POLR2B: variants seen among roughly 807,000 people sequenced by gnomAD.
POLR2B encodes the protein DNA-directed RNA polymerase II subunit RPB2.
A neutral mutation model predicts 144.6 loss-of-function variants in POLR2B; 57 were observed. That is an observed-to-expected ratio of 0.39 (90% CI 0.32 to 0.49). The LOEUF (loss-of-function observed/expected upper bound fraction) is 0.49, where lower values mean the gene tolerates loss of function less well. Ranked by LOEUF, POLR2B falls within the 20% of genes least tolerant of loss-of-function variation. POLR2B has a pLI of 0.83. For synonymous variants in POLR2B, 442 were observed against 469.8 expected (o/e 0.94, Z 0.77); for missense variants, 595 against 1,467.4 (o/e 0.41, Z 9.71).
intron 2 of POLR2B, 69 bp downstream of exon 2, chr4:56,986,495 A>G: frequency 1.1e-6 from 1 of 875,060 alleles, no homozygotes; most frequent in Non-Finnish European, 2.0e-6. Context: ...TTCTTGATAA[A>G]TAGCTCTTCT....
At chr4:57,014,488 C>T (rs923252240) in intron 13 of POLR2B, among the ~76,000 whole-genome samples, 1 of 149,370 alleles carries the variant, frequency 6.7e-6, no homozygotes, top group East Asian at 2.0e-4. Flanking sequence ...AGCCACCGTG[C>T]CTGGTCTTTT....
At chr4:56,990,958 C>G in intron 3 of POLR2B, 60 bp downstream of exon 3, 1 of 1,414,368 alleles carries the variant, frequency 7.1e-7, no homozygotes, top group Non-Finnish European at 9.6e-7. Context: ...AATTTTAGCC[C>G]TTCTCTTACC....
chr4:56,979,636 T>C (rs1030014961), intron 1 of POLR2B, among the ~76,000 whole-genome samples: 2 of 152,174 alleles, frequency 1.3e-5, no homozygotes, highest in African/African-American at 4.8e-5. Flanking sequence ...GAATTCTTAG[T>C]AGTGGCCGAG....
intron 2 of POLR2B, among the ~76,000 whole-genome samples, chr4:56,990,260 C>T (rs1722473504): frequency 1.3e-5 from 2 of 151,840 alleles, no homozygotes; most frequent in African/African-American, 4.8e-5. Flanking sequence ...TAGGGTTTCG[C>T]TGTCTCCTAG....
chr4:57,010,315 A>T (rs1446464234), intron 10 of POLR2B, 46 bp from the exon 11 acceptor site: 2 of 1,576,966 alleles, frequency 1.3e-6, no homozygotes. Context: ...TAATAGTATG[A>T]ATCACAGAAA....
At chr4:57,014,386 G>T (rs1046218501) in intron 13 of POLR2B, among the ~76,000 whole-genome samples, 1 of 151,798 alleles carries the variant, frequency 6.6e-6, no homozygotes, top group Admixed American at 6.6e-5. Context: ...TAGAGACAGG[G>T]TTTCACCATG....
chr4:57,010,840 A>G lies in POLR2B; in HGVS notation c.1641A>G (p.Glu547=). 2 of 1,610,198 alleles carry G rather than the reference A, an allele frequency of 1.2e-6. No individual in the cohort carries two copies. The highest frequency in any genetic ancestry group is 2.7e-5 in the African/African-American group (2 of 74,960). ...CTCCAATTCTGGAATTTTTAGAAGA[A>G]TGGAGTATGGAAAATTTAGAAGAAA... The part of the protein sequence containing the change: ...QPSPILEFLE[E]WSMENLEEIS... Residue 547 remains glutamate (E), a synonymous_variant, in exon 12 of 25, where the codon GAA becomes GAG. Transcript: ENST00000314595.
At chr4:56,986,634 C>T (rs1441038341) in intron 2 of POLR2B, 1 of 385,202 alleles carries the variant, frequency 2.6e-6, no homozygotes, top group Non-Finnish European at 4.6e-6. Context: ...TTACCCTGTA[C>T]TACATTTCTT....
chr4:56,988,218 A>G (rs1722390962), intron 2 of POLR2B, among the ~76,000 whole-genome samples: 1 of 152,100 alleles, frequency 6.6e-6, no homozygotes, highest in South Asian at 2.1e-4. Context: ...CAAAGGTAGC[A>G]AGAAGCCCCT....
At chr4:57,015,721 A>G (rs1481900783) in intron 14 of POLR2B, 65 bp downstream of exon 14, 1 of 661,250 alleles carries the variant, frequency 1.5e-6, no homozygotes, top group East Asian at 3.2e-5. Flanking sequence ...ATACTGTAAA[A>G]TTAACCTTTT....
chr4:56,995,339 G>GATGAT lies in POLR2B; in HGVS notation c.667_668insGATAT (p.Ser223Ter), dbSNP rs1356916053. The GATGAT allele has an allele frequency of 3.1e-6, 5 of 1,613,110 alleles. No individual in the cohort carries two copies. Among genetic ancestry groups the GATGAT allele is most frequent in the Non-Finnish European group, 4.2e-6 (5 of 1,179,144 alleles). ...AAATATGCCTACACAGGAGAGTGTA[G>GATGAT]ATCATGTCTTGAGAATTCTTCCCGA... On this transcript the variant is annotated stop_gained and frameshift_variant, in exon 6 of 25. Coordinates refer to ENST00000314595, the MANE Select transcript of POLR2B (RefSeq NM_000938.3). LOFTEE classifies it high-confidence loss of function.
chr4:57,021,114 T>C (rs974781123), intron 17 of POLR2B, 119 bp downstream of exon 17: 5 of 675,094 alleles, frequency 7.4e-6, no homozygotes, highest in African/African-American at 1.8e-5. Context: ...GAAGGACTGG[T>C]TGATGGTCAC....
At chr4:57,021,085 C>A in intron 17 of POLR2B, 90 bp downstream of exon 17, 1 of 754,622 alleles carries the variant, frequency 1.3e-6, no homozygotes, top group Non-Finnish European at 2.4e-6. Flanking sequence ...AGTTTAACTA[C>A]GCCGCACTCC....
At chr4:56,979,431 C>T (rs954282248) in intron 1 of POLR2B, among the ~76,000 whole-genome samples, 1 of 113,662 alleles carries the variant, frequency 8.8e-6, no homozygotes, top group Non-Finnish European at 1.6e-5. Flanking sequence ...TATTCCGGGA[C>T]AGAGAATATC....
At chr4:56,999,332 G>T (rs1351864478) in intron 6 of POLR2B, among the ~76,000 whole-genome samples, 3 of 151,424 alleles carry the variant, frequency 2.0e-5, no homozygotes, top group South Asian at 2.1e-4. Flanking sequence ...AGCCAAAAGT[G>T]ATTTCCAAAT....
chr4:56,995,472 G>T, intron 6 of POLR2B, 63 bp downstream of exon 6: 1 of 1,234,982 alleles, frequency 8.1e-7, no homozygotes, highest in South Asian at 1.7e-5. Context: ...AAATTTACTA[G>T]ACTGCCTTCT....
chr4:57,001,262 G>A (rs540826652), intron 7 of POLR2B, among the ~76,000 whole-genome samples: 27 of 152,092 alleles, frequency 1.8e-4, no homozygotes, highest in Non-Finnish European at 3.1e-4. Context: ...GGGTTCAAGC[G>A]ATTCTCCTGC....
chr4:56,981,401 A>G (rs1405917895), intron 1 of POLR2B, among the ~76,000 whole-genome samples: 1 of 152,190 alleles, frequency 6.6e-6, no homozygotes, highest in African/African-American at 2.4e-5. Context: ...AATTTGCCCA[A>G]GTATGTCTGT....
At position 56,999,492 on chromosome 4, in the gene POLR2B, T is replaced by C. The variant is rs543193857; in HGVS notation, c.736-125T>C. 102 of 546,816 alleles carry C rather than the reference T, an allele frequency of 1.9e-4. No homozygotes were observed. The African/African-American group carries it at 1.9e-3, about 10-fold the overall frequency. The allele number at this position is 546,816 out of a possible 1,614,324, so 33.9% of individuals were successfully genotyped here. On this transcript the variant is annotated intron_variant, in intron 6 of 24. Transcript: ENST00000314595. Reference sequence around the variant, plus strand: ...CAGTCATAGGAGGTTCCTCACAGTATTGGGAGGCGTGCTTCTTTTGAAATG... The same window carrying C: ...CAGTCATAGGAGGTTCCTCACAGTACTGGGAGGCGTGCTTCTTTTGAAATG...
Sources: allele counts gnomAD v4.1 joint callset (sites outside exome capture counted in the v4.1 genomes callset), GRCh38; gene constraint gnomAD v4.1.1; transcripts MANE v1.5; gene names NCBI Gene and HGNC (gene_info 2026-07-23, HGNC 2026-07-21).